The following SPOCK1 variants were observed in gnomAD, a reference collection of about 807,000 sequenced individuals.
SPOCK1 encodes testican-1.
In SPOCK1, 23 loss-of-function variants were observed where a neutral mutation model predicts 55.3. That is an observed-to-expected ratio of 0.42 (90% CI 0.30 to 0.59). SPOCK1 has a LOEUF of 0.59. Among genes scored for constraint, SPOCK1 ranks in the 20% least tolerant of loss-of-function variants. The pLI is 0.22. For synonymous variants in SPOCK1, 226 were observed against 221.0 expected, an observed-to-expected ratio of 1.02 and a Z score of -0.20; for missense variants, 499 against 552.5, an observed-to-expected ratio of 0.90 and a Z score of 0.97.
At chr5:137,184,628 A>G (rs1204842818) in intron 3 of SPOCK1, among the ~76,000 whole-genome samples, 1 of 152,228 alleles carries the variant, frequency 6.6e-6, no homozygotes, top group Non-Finnish European at 1.5e-5. Context: ...TTCACAGCCC[A>G]GTGCAGAGAA....
At position 137,334,695 on chromosome 5, in the gene SPOCK1, A is replaced by G. The variant is rs144264426; in HGVS notation, c.187-67640T>C. Among the ~76,000 whole-genome samples the G allele has an allele frequency of 7.4e-3, 1,126 of 152,334 alleles. 16 individuals carry two copies. Among genetic ancestry groups the G allele is most frequent in the African/African-American group, 0.022 (897 of 41,574 alleles). On this transcript the variant is annotated intron_variant, in intron 2 of 10. Coordinates refer to ENST00000394945, the MANE Select transcript of SPOCK1 (RefSeq NM_004598.4). ...ATGAGGTCCCCTGTTGAGGTCAGAG[A>G]GATGCTGACACAGATGCCTCATTTT...
At position 137,153,021 on chromosome 5, in the gene SPOCK1, G is replaced by T. The variant is rs75800430; in HGVS notation, c.233-12327C>A. Reference sequence around the variant, plus strand: ...GAAGCTCCAAGAGACTAAAGACAGTGTCTATCCTCTTCACTGCCACATGCC... The same window carrying T: ...GAAGCTCCAAGAGACTAAAGACAGTTTCTATCCTCTTCACTGCCACATGCC... On this transcript the variant is annotated intron_variant, in intron 3 of 10. Coordinates refer to ENST00000394945, the MANE Select transcript of SPOCK1 (RefSeq NM_004598.4). Among the ~76,000 whole-genome samples the T allele has an allele frequency of 4.0e-3, 614 of 152,336 alleles. 1 individual carries two copies. The highest frequency in any genetic ancestry group is 6.2e-3 in the Non-Finnish European group (422 of 68,028).
chr5:137,213,751 G>A (rs1359205311), intron 3 of SPOCK1, among the ~76,000 whole-genome samples: 3 of 152,192 alleles, frequency 2.0e-5, no homozygotes, highest in Non-Finnish European at 4.4e-5. Context: ...ATAGAAGGGT[G>A]CAGCACACAC....
At chr5:137,217,801 G>C (rs957632484) in intron 3 of SPOCK1, among the ~76,000 whole-genome samples, 1 of 152,086 alleles carries the variant, frequency 6.6e-6, no homozygotes. Flanking sequence ...TTACTGATGA[G>C]GAAATTACAG....
chr5:137,207,925 T>G (rs1755547564), intron 3 of SPOCK1, among the ~76,000 whole-genome samples: 1 of 152,154 alleles, frequency 6.6e-6, no homozygotes, highest in Non-Finnish European at 1.5e-5. Flanking sequence ...ATTTATCAAC[T>G]TAAAAAATCA....
At chr5:137,446,194 T>G (rs1277526029) in intron 2 of SPOCK1, among the ~76,000 whole-genome samples, 1 of 152,198 alleles carries the variant, frequency 6.6e-6, no homozygotes, top group Non-Finnish European at 1.5e-5. Flanking sequence ...TCAAATGATA[T>G]GGAAAAATAA....
intron 2 of SPOCK1, among the ~76,000 whole-genome samples, chr5:137,332,222 C>G (rs534283242): frequency 5.9e-4 from 90 of 152,276 alleles, no homozygotes; most frequent in Admixed American, 5.5e-3. Flanking sequence ...CACTCCCCCC[C>G]AGCCCTCTTC....
intron 2 of SPOCK1, among the ~76,000 whole-genome samples, chr5:137,474,357 A>G (rs1753794896): frequency 6.6e-6 from 1 of 152,200 alleles, no homozygotes; most frequent in Admixed American, 6.5e-5. Flanking sequence ...TATTATTTGG[A>G]ATTAGGTTTC....
chr5:137,487,203 A>C (rs115600251), intron 2 of SPOCK1, among the ~76,000 whole-genome samples: 5 of 152,210 alleles, frequency 3.3e-5, no homozygotes, highest in Admixed American at 2.0e-4. Context: ...AACATTTGAG[A>C]GTTTGTTCAG....
chr5:137,432,065 C>T (rs1487655342), intron 2 of SPOCK1, among the ~76,000 whole-genome samples: 2 of 152,142 alleles, frequency 1.3e-5, no homozygotes, highest in African/African-American at 4.8e-5. Context: ...ACTTCACACC[C>T]CTTAGGATGG....
chr5:137,300,431 T>G (rs1757567552), intron 2 of SPOCK1, among the ~76,000 whole-genome samples: 1 of 152,220 alleles, frequency 6.6e-6, no homozygotes, highest in Non-Finnish European at 1.5e-5. Context: ...CCTAGCGATT[T>G]GTATTGTATA....
chr5:136,985,310 G>T, intron 8 of SPOCK1, 108 bp from the exon 9 acceptor site: 4 of 1,086,246 alleles, frequency 3.7e-6, no homozygotes, highest in Non-Finnish European at 2.8e-6. Context: ...CCTGGGAGTG[G>T]AATTGTTCCA....
chr5:137,482,916 C>G (rs553941295), intron 2 of SPOCK1, among the ~76,000 whole-genome samples: 5 of 152,308 alleles, frequency 3.3e-5, no homozygotes, highest in African/African-American at 9.6e-5. Context: ...TACTGTAACT[C>G]ATAGGTAAAT....
intron 2 of SPOCK1, among the ~76,000 whole-genome samples, chr5:137,373,643 T>A (rs1751249742): frequency 6.6e-6 from 1 of 152,198 alleles, no homozygotes; most frequent in Non-Finnish European, 1.5e-5. Flanking sequence ...AGGTGGCACA[T>A]CCCATGTGTA....
chr5:137,461,371 G>C (rs1054711362), intron 2 of SPOCK1, among the ~76,000 whole-genome samples: 4 of 152,206 alleles, frequency 2.6e-5, no homozygotes, highest in African/African-American at 4.8e-5. Context: ...TGGGTATTGT[G>C]TATGCTCACA....
At position 137,041,769 on chromosome 5, in the gene SPOCK1, T is replaced by C. The variant is rs554191511; in HGVS notation, c.589+25946A>G. ...ATAATACCATATCACCATGTACCTA[T>C]TATAGTGTCTAAAATCCAAAACAAC... On this transcript the variant is annotated intron_variant, in intron 6 of 10. Transcript: ENST00000394945. 2.6e-5 allele frequency among the ~76,000 whole-genome samples: 4 copies of C among 152,328 alleles called. No individual in the cohort carries two copies. The South Asian group carries it at 6.2e-4, about 24-fold the overall frequency.
In SPOCK1 at chr5:137,348,234, C is replaced by T. The variant is rs114663003; in HGVS notation, c.187-81179G>A. Among the ~76,000 whole-genome samples, 1,149 of 152,260 alleles carry T rather than the reference C, an allele frequency of 7.5e-3. 7 individuals carry two copies. The highest frequency in any genetic ancestry group is 0.028 in the South Asian group (137 of 4,814). Reference sequence around the variant, plus strand: ...GGTGGACATTCAGTAATATGGGGTTCAAGTAATAGTTTCATCAGGGCCACA... The same window carrying T: ...GGTGGACATTCAGTAATATGGGGTTTAAGTAATAGTTTCATCAGGGCCACA... On this transcript the variant is annotated intron_variant, in intron 2 of 10. Transcript: ENST00000394945.
intron 3 of SPOCK1, among the ~76,000 whole-genome samples, chr5:137,158,390 C>T (rs781353895): frequency 1.1e-4 from 16 of 152,270 alleles, no homozygotes; most frequent in South Asian, 2.1e-4. Flanking sequence ...AATTGAGTCA[C>T]GTTCTGTTGC....
intron 6 of SPOCK1, among the ~76,000 whole-genome samples, chr5:137,002,482 CAAA>C (rs34057217): frequency 7.3e-6 from 1 of 136,900 alleles, no homozygotes; most frequent in Admixed American, 7.3e-5. Flanking sequence ...ACTCTGGGGC[CAAA>C]AAAAAAAAAA....
Sources: gnomAD v4.1 joint callset for allele counts (sites outside exome capture counted in the v4.1 genomes callset) on GRCh38, gnomAD v4.1.1 for gene constraint, MANE v1.5 for transcripts, NCBI Gene and HGNC (gene_info 2026-07-23, HGNC 2026-07-21) for gene names.